The following CALN1 variants were observed in gnomAD, a reference collection of about 807,000 sequenced individuals.
CALN1 encodes calneuron 1.
CALN1 carries 17 observed loss-of-function variants against 30.6 expected under a neutral mutation model. The ratio of observed to expected loss-of-function variants is 0.56; its 90% CI spans 0.38 to 0.83. The LOEUF is 0.83. Ranked by LOEUF, CALN1 falls within the 40% of genes least tolerant of loss-of-function variation. The pLI, the probability that CALN1 is intolerant of heterozygous loss-of-function variation, is 0.00. For synonymous variants in CALN1, 156 were observed against 131.4 expected (o/e 1.19, Z -1.28); for missense variants, 291 against 354.9 (o/e 0.82, Z 1.45).
intron 3 of CALN1, among the ~76,000 whole-genome samples, chr7:72,114,235 A>C (rs909768066): frequency 2.7e-5 from 3 of 112,862 alleles, no homozygotes; most frequent in African/African-American, 9.9e-5. Context: ...AAAAGTAAAA[A>C]TAAAAGTTGA....
chr7:71,851,316 G>C (rs1790632294), intron 5 of CALN1, among the ~76,000 whole-genome samples: 1 of 151,120 alleles, frequency 6.6e-6, no homozygotes, highest in South Asian at 2.1e-4. Flanking sequence ...AGGAGTTCCA[G>C]ATCAACCTGG....
chr7:72,171,342 T>C lies in CALN1; in HGVS notation c.245-65048A>G, dbSNP rs564301821. On this transcript the variant is annotated intron_variant, in intron 3 of 6. Transcript: ENST00000395275. The stretch of plus-strand genomic sequence containing the variant: ...TTTTAAAATACATTCCTAAAATGTG[T>C]AGCCAGGTGTGGTGGTACACACCTA... Among the ~76,000 whole-genome samples the C allele has an allele frequency of 2.0e-5, 3 of 152,272 alleles. No individual in the cohort carries two copies. In the South Asian group the frequency reaches 6.2e-4, roughly 32 times the overall value.
chr7:72,106,822 G>A (rs1282408255), intron 3 of CALN1, among the ~76,000 whole-genome samples: 2 of 56,318 alleles, frequency 3.6e-5, no homozygotes, highest in African/African-American at 1.5e-4. Flanking sequence ...GGAAGGGAGG[G>A]AGGAAGGAAG....
intron 4 of CALN1, chr7:72,103,491 C>A (rs1273074902): frequency 2.0e-5 from 3 of 152,086 alleles, no homozygotes; most frequent in Admixed American, 2.0e-4. Context: ...GATCTTACGG[C>A]TCTACTTATG....
chr7:71,988,757 C>T (rs1287238298), intron 5 of CALN1, among the ~76,000 whole-genome samples: 1 of 152,118 alleles, frequency 6.6e-6, no homozygotes. Context: ...AAATCTGATG[C>T]TTGCTGTTTC....
intron 3 of CALN1, among the ~76,000 whole-genome samples, chr7:72,182,302 G>C (rs1477951689): frequency 6.6e-6 from 1 of 152,094 alleles, no homozygotes; most frequent in Non-Finnish European, 1.5e-5. Context: ...GAAGAGCAAT[G>C]TGTTACCAGA....
intron 4 of CALN1, among the ~76,000 whole-genome samples, chr7:72,046,195 C>G (rs1278796589): frequency 2.6e-5 from 4 of 151,880 alleles, no homozygotes. Context: ...TGCCGACAGT[C>G]ACAGGTACTC....
chr7:72,404,170 C>A (rs909732402), intron 1 of CALN1, among the ~76,000 whole-genome samples: 7 of 152,286 alleles, frequency 4.6e-5, no homozygotes, highest in Middle Eastern at 3.4e-3. Context: ...CTGGCCCTCT[C>A]CCTTGGTTGG....
chr7:71,811,005 C>T (rs556911690), intron 5 of CALN1, among the ~76,000 whole-genome samples: 1 of 151,878 alleles, frequency 6.6e-6, no homozygotes, highest in East Asian at 2.0e-4. Flanking sequence ...AGCGATTCTC[C>T]TGCCTCAGCC....
At chr7:71,873,001 A>AT (rs371153112) in intron 5 of CALN1, among the ~76,000 whole-genome samples, 1,406 of 115,582 alleles carry the variant, frequency 0.012, 34 homozygotes, top group African/African-American at 0.029. Context: ...GTTTGTGACA[A>AT]TTTTTTTTTT....
intron 2 of CALN1, among the ~76,000 whole-genome samples, chr7:72,360,511 A>G (rs1803507658): frequency 6.6e-6 from 1 of 151,916 alleles, no homozygotes; most frequent in African/African-American, 2.4e-5. Flanking sequence ...CATAAAAGCC[A>G]AACTGGCAAC....
intron 3 of CALN1, among the ~76,000 whole-genome samples, chr7:72,255,731 A>T (rs1386349311): frequency 7.3e-6 from 1 of 137,544 alleles, no homozygotes; most frequent in Non-Finnish European, 1.5e-5. Flanking sequence ...CACTTAAATA[A>T]TTTTTTTTTT....
At chr7:72,366,725 G>A (rs1028087002) in intron 2 of CALN1, among the ~76,000 whole-genome samples, 1 of 151,942 alleles carries the variant, frequency 6.6e-6, no homozygotes, top group Non-Finnish European at 1.5e-5. Flanking sequence ...AATGACTAAA[G>A]CAGGTTTCAA....
intron 1 of CALN1, among the ~76,000 whole-genome samples, chr7:72,438,447 T>C (rs62463255): frequency 0.5 from 75,290 of 151,956 alleles, 18,834 homozygotes; most frequent in Middle Eastern, 0.59. Flanking sequence ...GACTCCCTAT[T>C]TCTCCAAAAA....
chr7:71,941,375 TCA>T (rs1484213975), intron 5 of CALN1, among the ~76,000 whole-genome samples: 1 of 151,464 alleles, frequency 6.6e-6, no homozygotes, highest in African/African-American at 2.4e-5. Flanking sequence ...GAATTTCTGT[TCA>T]ATAAGGACAC....
At chr7:72,305,061 G>A (rs1246347112) in intron 2 of CALN1, among the ~76,000 whole-genome samples, 1 of 152,190 alleles carries the variant, frequency 6.6e-6, no homozygotes, top group African/African-American at 2.4e-5. Flanking sequence ...CCTGCTGTCT[G>A]CAGCCCAGGC....
At chr7:72,353,478 A>G (rs1356897655) in intron 2 of CALN1, among the ~76,000 whole-genome samples, 1 of 152,228 alleles carries the variant, frequency 6.6e-6, no homozygotes, top group Non-Finnish European at 1.5e-5. Context: ...AGAAAAAATT[A>G]CAATCATCCT....
rs1428427432 is a variant in CALN1 at position 72,403,328 on chromosome 7, A to G, written c.42T>C (p.Asn14=). Residue 14 remains asparagine, a synonymous_variant, in exon 2 of 7, where the codon AAT becomes AAC. Transcript: ENST00000395275. The part of the protein sequence containing the change: ...PEQPGEGKPE[N]EKKGDGGALG... The stretch of plus-strand genomic sequence containing the variant: ...GGGCTCCTCCGTCCCCCTTTTTCTC[A>G]TTCTCGGGCTTCCCCTCTCCGGGTT... 6.5e-7 allele frequency: 1 copy of G among 1,548,900 alleles called. No homozygotes were observed. Among genetic ancestry groups the G allele is most frequent in the Admixed American group, 2.0e-5 (1 of 50,980 alleles).
intron 2 of CALN1, among the ~76,000 whole-genome samples, chr7:72,280,668 C>T (rs200565560): frequency 3.8e-4 from 58 of 152,126 alleles, no homozygotes; most frequent in Non-Finnish European, 7.2e-4. Flanking sequence ...CATTTGAGTA[C>T]GGACTGATAC....
Sources: allele counts gnomAD v4.1 joint callset (sites outside exome capture counted in the v4.1 genomes callset), GRCh38; gene constraint gnomAD v4.1.1; transcripts MANE v1.5; gene names NCBI Gene and HGNC (gene_info 2026-07-23, HGNC 2026-07-21).